RPH3AL: variants seen among roughly 807,000 people sequenced by gnomAD.
RPH3AL encodes the protein rabphilin 3A like (without C2 domains).
A neutral mutation model predicts 43.1 loss-of-function variants in RPH3AL; 38 were observed. The ratio of observed to expected loss-of-function variants is 0.88; its 90% confidence interval spans 0.68 to 1.15. The LOEUF (loss-of-function observed/expected upper bound fraction) is 1.15, where lower values mean the gene tolerates loss of function less well. RPH3AL is among the 50% of genes most tolerant of loss of function. The probability of loss-of-function intolerance (pLI) is 0.00; values close to 1 mark genes in which losing one functional copy is unlikely to be tolerated. For missense variants in RPH3AL, 462 were observed against 423.2 expected (o/e 1.09, Z -0.81); for synonymous variants, 189 against 176.3 (o/e 1.07, Z -0.57).
At chr17:316,412 C>A (rs2044190694) in intron 5 of RPH3AL, among the ~76,000 whole-genome samples, 1 of 151,130 alleles carries the variant, frequency 6.6e-6, no homozygotes, top group African/African-American at 2.5e-5. Context: ...CCTGTAGTCC[C>A]TGTGACCCCA....
rs558722020 is a variant in RPH3AL at position 268,842 on chromosome 17, G to T, written c.438+12926C>A. Among the ~76,000 whole-genome samples, 43 of 151,966 alleles carry T rather than the reference G, an allele frequency of 2.8e-4. 1 individual carries two copies. The East Asian group carries it at 8.1e-3, about 29-fold the overall frequency. On this transcript the variant is annotated intron_variant, in intron 6 of 9. Coordinates refer to ENST00000331302, the MANE Select transcript of RPH3AL (RefSeq NM_006987.4). Reference sequence around the variant, plus strand: ...GCCTCCTGAGTAGCTGGGACTATAGGTTCATGCTACCAGGCCTGGATGATT... The same window carrying T: ...GCCTCCTGAGTAGCTGGGACTATAGTTTCATGCTACCAGGCCTGGATGATT...
intron 7 of RPH3AL, among the ~76,000 whole-genome samples, chr17:228,340 G>A (rs558653639): frequency 1.3e-3 from 196 of 152,260 alleles, no homozygotes; most frequent in Non-Finnish European, 2.1e-3. Flanking sequence ...CCCGGCCCTG[G>A]AGCAGTCCTT....
rs1207680246 is a variant in RPH3AL at position 303,527 on chromosome 17, GTT to G, written c.351+15891_351+15892del. Among the ~76,000 whole-genome samples the G allele has an allele frequency of 9.3e-4, 121 of 130,730 alleles. 35 individuals are homozygous for G. Among genetic ancestry groups the G allele is most frequent in the Middle Eastern group, 4.2e-3 (1 of 240 alleles). The allele number at this position is 130,730 out of a possible 152,430, so 85.8% of individuals were successfully genotyped here. A position where few individuals can be genotyped will look rare whatever the true frequency, so the allele number is the denominator to read the frequency against. ...TTAATAATTATTGAGCAGTGACCGT[GTT>G]TCAGGAAAGAGATGGGGAGGGAGGG... On this transcript the variant is annotated intron_variant, in intron 5 of 9. Coordinates refer to ENST00000331302, the MANE Select transcript of RPH3AL (RefSeq NM_006987.4).
chr17:314,952 G>GA (rs1567508632), intron 5 of RPH3AL, among the ~76,000 whole-genome samples: 2 of 104,244 alleles, frequency 1.9e-5, no homozygotes, highest in African/African-American at 4.4e-5. Context: ...TAGTCTCTGT[G>GA]CTCCACCTCC....
chr17:293,886 G>A (rs558843368), intron 5 of RPH3AL, among the ~76,000 whole-genome samples: 26 of 152,142 alleles, frequency 1.7e-4, no homozygotes, highest in African/African-American at 4.3e-4. Context: ...AAAATTAGCC[G>A]GGCGCGGTGG....
At chr17:346,994 C>T (rs2045248679) in intron 1 of RPH3AL, among the ~76,000 whole-genome samples, 1 of 135,742 alleles carries the variant, frequency 7.4e-6, no homozygotes, top group East Asian at 2.4e-4. Context: ...CGCGGTGGCT[C>T]ACGCCTGTAA....
chr17:295,574 T>C (rs796589737), intron 5 of RPH3AL, among the ~76,000 whole-genome samples: 669 of 7,360 alleles, frequency 0.091, 259 homozygotes, highest in South Asian at 0.3. Flanking sequence ...CAGAAATGGA[T>C]GGGCAGAGGG....
At chr17:352,190 C>A (rs761808701) in intron 1 of RPH3AL, among the ~76,000 whole-genome samples, 1 of 152,212 alleles carries the variant, frequency 6.6e-6, no homozygotes, top group East Asian at 1.9e-4. Context: ...ACAGAGCCTG[C>A]TGCAGCCCCT....
chr17:296,719 C>T (rs539295503), intron 5 of RPH3AL, among the ~76,000 whole-genome samples: 2 of 152,184 alleles, frequency 1.3e-5, no homozygotes, highest in Non-Finnish European at 2.9e-5. Context: ...GTCACGCCCG[C>T]TTTTTTCAAA....
chr17:292,013 T>C (rs2151623312), intron 5 of RPH3AL, among the ~76,000 whole-genome samples: 1 of 152,352 alleles, frequency 6.6e-6, no homozygotes, highest in Non-Finnish European at 1.5e-5. Context: ...GAAAGTCACT[T>C]GCCCCAACTT....
chr17:267,314 TGA>T (rs763537562), intron 6 of RPH3AL, among the ~76,000 whole-genome samples: 2 of 152,210 alleles, frequency 1.3e-5, no homozygotes, highest in Non-Finnish European at 2.9e-5. Flanking sequence ...GACACCGGTT[TGA>T]GAGAGGGCAG....
At chr17:301,915 C>T (rs2043338647) in intron 5 of RPH3AL, among the ~76,000 whole-genome samples, 1 of 152,184 alleles carries the variant, frequency 6.6e-6, no homozygotes, top group Non-Finnish European at 1.5e-5. Context: ...CTTTTGCCTG[C>T]CCATCTCCTG....
At chr17:346,395 C>T (rs1891282156) in intron 1 of RPH3AL, among the ~76,000 whole-genome samples, 1 of 135,248 alleles carries the variant, frequency 7.4e-6, no homozygotes, top group Non-Finnish European at 1.7e-5. Flanking sequence ...TTCCACGTGG[C>T]TGGGGAAGCC....
At chr17:307,118 G>A (rs1323003958) in intron 5 of RPH3AL, among the ~76,000 whole-genome samples, 1 of 139,242 alleles carries the variant, frequency 7.2e-6, no homozygotes, top group African/African-American at 2.7e-5. Context: ...TGGCAGGCCT[G>A]TCCCACAGCA....
Position 213,719 on chromosome 17 carries a change from G to A in RPH3AL, c.*133C>T, listed in dbSNP as rs1027805271. On this transcript the variant is annotated 3_prime_UTR_variant, in exon 10 of 10. Coordinates refer to ENST00000331302, the MANE Select transcript of RPH3AL (RefSeq NM_006987.4). ...AAGGCACTGAGCTGGGGAGGCAGACGGCTCCCAACACTGGTTTGTTGAGTC... is the reference window on the plus strand; with the variant it reads ...AAGGCACTGAGCTGGGGAGGCAGACAGCTCCCAACACTGGTTTGTTGAGTC... 1.9e-5 allele frequency: 14 copies of A among 736,994 alleles called. No individual in the cohort carries two copies. Among genetic ancestry groups the A allele is most frequent in the Non-Finnish European group, 3.1e-5 (13 of 420,326 alleles). 45.7% of individuals were successfully genotyped at this position (736,994 alleles called of 1,614,324 possible).
chr17:315,539 C>A (rs1555520058), intron 5 of RPH3AL, among the ~76,000 whole-genome samples: 1 of 152,218 alleles, frequency 6.6e-6, no homozygotes. Flanking sequence ...TGTGCTCCCA[C>A]CTCCATTGAC....
rs147361971 is a variant in RPH3AL at position 290,868 on chromosome 17, G to A, written c.352-9014C>T. On this transcript the variant is annotated intron_variant, in intron 5 of 9. Transcript: ENST00000331302. The surrounding 1 kb of genome is among the most constrained non-coding windows in gnomAD (Gnocchi z 4.2). ...TCACACTCCTGGACGGGCCGGGACA[G>A]CTTCACAGCGTCACCATCCATGGCA... is the stretch of plus-strand genomic sequence containing the variant. Among the ~76,000 whole-genome samples, 1 of 152,192 alleles carries A rather than the reference G, an allele frequency of 6.6e-6. No individual in the cohort carries two copies. Among genetic ancestry groups the A allele is most frequent in the African/African-American group, 2.4e-5 (1 of 41,450 alleles).
intron 9 of RPH3AL, among the ~76,000 whole-genome samples, chr17:214,294 T>G (rs2040740299): frequency 6.6e-6 from 1 of 152,160 alleles, no homozygotes; most frequent in African/African-American, 2.4e-5. Context: ...GCTTCCCCCT[T>G]TATCACTGGA....
intron 8 of RPH3AL, among the ~76,000 whole-genome samples, chr17:219,192 C>CTTT (rs796389217): frequency 0.32 from 18,608 of 57,828 alleles, 5,022 homozygotes; most frequent in African/African-American, 0.44. Context: ...ATAAACAGCA[C>CTTT]TTTTTTTTTT....
Sources: allele counts gnomAD v4.1 joint callset (sites outside exome capture counted in the v4.1 genomes callset), GRCh38; gene constraint gnomAD v4.1.1; non-coding constraint Gnocchi (gnomAD v3.1); transcripts MANE v1.5; gene names NCBI Gene and HGNC (gene_info 2026-07-23, HGNC 2026-07-21).